The following PRPF8 variants were observed in gnomAD, a reference collection of about 807,000 sequenced individuals.
The protein encoded by PRPF8 is pre-mRNA-processing-splicing factor 8.
PRPF8 carries 64 observed loss-of-function variants against 285.9 expected under a neutral mutation model. The ratio of observed to expected loss-of-function variants is 0.22; its 90% confidence interval spans 0.18 to 0.28. The LOEUF (loss-of-function observed/expected upper bound fraction) is 0.28. Among genes scored for constraint, PRPF8 ranks in the 10% least tolerant of loss-of-function variants. PRPF8 has a pLI of 1.00. For missense variants in PRPF8, 1,426 were observed against 3,026.7 expected (o/e 0.47, Z 12.41); for synonymous variants, 1,325 against 1,118.2 (o/e 1.18, Z -3.69).
At position 1,673,605 on chromosome 17, in the gene PRPF8, G is replaced by A; in HGVS notation, c.3447-38C>T. 6.2e-7 allele frequency: 1 copy of A among 1,613,030 alleles called. No individual in the cohort carries two copies. The highest frequency in any genetic ancestry group is 8.5e-7 in the Non-Finnish European group (1 of 1,179,696). The stretch of plus-strand genomic sequence containing the variant: ...AACACATGGTCACAGCAGTTTCTTG[G>A]AAGGAACTTCCCTTCAAAGGCCAAC... On this transcript the variant is annotated intron_variant, in intron 22 of 42. Coordinates refer to ENST00000304992, the MANE Select transcript of PRPF8 (RefSeq NM_006445.4). The surrounding 1 kb of genome is among the most constrained non-coding windows in gnomAD (Gnocchi z 5.5).
chr17:1,651,769 C>A lies in PRPF8; in HGVS notation c.6389G>T (p.Gly2130Val). ...LRAQIAGYLY[G>V]VSPPDNPQVK... ...CTGGGGGTTATCTGGTGGGCTCACC[C>A]CATATAGGTATCCTGCAATCTGGAG... Residue 2130 changes from glycine (G) to valine (V), a missense_variant, in exon 40 of 43, where the codon GGG (glycine) becomes GTG (valine). Gly to Val is a moderately radical substitution (Grantham distance 109). Around this residue, in one of 34 missense-constraint regions of PRPF8, gnomAD observed 160 missense variants for 373.7 expected, o/e 0.43. Transcript: ENST00000304992. This position sits in a 1 kb window ranked among gnomAD's most constrained non-coding sequence, Gnocchi z 5.1. 6.2e-7 allele frequency: 1 copy of A among 1,614,114 alleles called. No homozygotes were observed. The highest frequency in any genetic ancestry group is 8.5e-7 in the Non-Finnish European group (1 of 1,180,028).
At position 1,679,896 on chromosome 17, in the gene PRPF8, C is replaced by G; in HGVS notation, c.1099-97G>C. The G allele has an allele frequency of 7.0e-7, 1 of 1,421,242 alleles. No individual in the cohort carries two copies. Among genetic ancestry groups the G allele is most frequent in the South Asian group, 1.1e-5 (1 of 87,102 alleles). The allele number at this position is 1,421,242 out of a possible 1,614,324, so 88.0% of individuals were successfully genotyped here. A position where few individuals can be genotyped will look rare whatever the true frequency, so the allele number is the denominator to read the frequency against. On this transcript the variant is annotated intron_variant, in intron 8 of 42. Transcript: ENST00000304992. This position sits in a 1 kb window ranked among gnomAD's most constrained non-coding sequence, Gnocchi z 4.7. Reference sequence around the variant, plus strand: ...CTGGGGCCAAGCACAAAGCCTGTATCTGCTATGGAAACTGGGCTGTCTGAC... The same window carrying G: ...CTGGGGCCAAGCACAAAGCCTGTATGTGCTATGGAAACTGGGCTGTCTGAC...
At chr17:1,654,857 C>T (rs889903099) in intron 37 of PRPF8, 1 of 174,452 alleles carries the variant, frequency 5.7e-6, no homozygotes, top group African/African-American at 2.4e-5. Context: ...GGTTTCAACT[C>T]CTGGCTCATG....
At chr17:1,683,346 A>G (rs1353757350) in intron 3 of PRPF8, 187 bp downstream of exon 3, 4 of 705,326 alleles carry the variant, frequency 5.7e-6, no homozygotes, top group Non-Finnish European at 1.0e-5. Flanking sequence ...CCAGTCCCAG[A>G]TCGGGAAGAG....
chr17:1,680,684 C>G (rs779455559), intron 8 of PRPF8, 42 bp downstream of exon 8: 1 of 1,555,184 alleles, frequency 6.4e-7, no homozygotes, highest in South Asian at 1.1e-5. Context: ...TCACGCATTT[C>G]TCCTAGAAGA....
In PRPF8 at chr17:1,673,915, C is replaced by T; in HGVS notation, c.3300-23G>A. 1 of 1,609,950 alleles carries T rather than the reference C, an allele frequency of 6.2e-7. No homozygotes were observed. Among genetic ancestry groups the T allele is most frequent in the South Asian group, 1.1e-5 (1 of 91,062 alleles). ...AACCTACACCAGACCAGGTACACTG[C>T]TGAGGCCCCAGTACACTGAGATTTG... is the stretch of plus-strand genomic sequence containing the variant. On this transcript the variant is annotated intron_variant, in intron 21 of 42. Transcript: ENST00000304992. The surrounding 1 kb of genome is among the most constrained non-coding windows in gnomAD (Gnocchi z 5.5).
chr17:1,656,507 A>C lies in PRPF8; in HGVS notation c.5678T>G (p.Phe1893Cys). Residue 1893 changes from phenylalanine (F) to cysteine (C), a missense_variant, in exon 36 of 43, where the codon TTC becomes TGC. Phe to Cys is a radical substitution (Grantham distance 205). Transcript: ENST00000304992. ...TTTTTCCACCTTGAGACACGCCTGG[A>C]AAGGGAGTTGGAGCTCCGATCCTTT... is the stretch of plus-strand genomic sequence containing the variant. ...VIKGSELQLP[F>C]QACLKVEKFG... The C allele has an allele frequency of 6.2e-7, 1 of 1,614,192 alleles. No individual in the cohort carries two copies. Among genetic ancestry groups the C allele is most frequent in the African/African-American group, 1.3e-5 (1 of 75,056 alleles).
chr17:1,656,960 T>G (rs367545180), intron 34 of PRPF8, among the ~76,000 whole-genome samples, 199 bp from the exon 35 acceptor site: 17 of 152,144 alleles, frequency 1.1e-4, no homozygotes, highest in African/African-American at 3.4e-4. Context: ...AACAAGACAA[T>G]ACCACAAGCT....
At chr17:1,670,945 AAAG>A (rs10641240) in intron 24 of PRPF8, among the ~76,000 whole-genome samples, 1 of 151,078 alleles carries the variant, frequency 6.6e-6, no homozygotes, top group Non-Finnish European at 1.5e-5. Flanking sequence ...CAAAAAAAAA[AAAG>A]AAGAAAAACA....
At chr17:1,667,230 T>C (rs759329734) in intron 24 of PRPF8, among the ~76,000 whole-genome samples, 7 of 151,856 alleles carry the variant, frequency 4.6e-5, no homozygotes, top group Non-Finnish European at 8.8e-5. Flanking sequence ...TAAAGGCAAG[T>C]GGATGATTCC....
chr17:1,670,426 C>G (rs544424703), intron 24 of PRPF8, among the ~76,000 whole-genome samples: 22 of 152,196 alleles, frequency 1.4e-4, no homozygotes, highest in Non-Finnish European at 7.3e-5. Flanking sequence ...TATCTGCTAA[C>G]TTCTTATCAA....
At chr17:1,663,252 C>A (rs1178440534) in intron 24 of PRPF8, among the ~76,000 whole-genome samples, 1 of 151,228 alleles carries the variant, frequency 6.6e-6, no homozygotes, top group African/African-American at 2.4e-5. Flanking sequence ...AGTCACAAAA[C>A]AACTAAATTC....
At chr17:1,654,799 A>AT (rs75058213) in intron 37 of PRPF8, 5,137 of 152,098 alleles carry the variant, frequency 0.034, 114 homozygotes, top group Non-Finnish European at 0.045. Context: ...CCTGTTTTAA[A>AT]TTTTTTTTTT....
intron 24 of PRPF8, among the ~76,000 whole-genome samples, chr17:1,667,975 G>C (rs531012694): frequency 6.6e-5 from 10 of 152,322 alleles, no homozygotes; most frequent in Admixed American, 5.9e-4. Flanking sequence ...ACCATGCCCA[G>C]CTTTATCATG....
Position 1,675,844 on chromosome 17 carries a change from C to A in PRPF8, c.2680-32G>T, listed in dbSNP as rs1912577969. ...GACAAGGAGGCTGGTTCACACCAAT[C>A]CACCAACTGCTACCTTTGGTAGAAC... is the stretch of plus-strand genomic sequence containing the variant. On this transcript the variant is annotated intron_variant, in intron 18 of 42. Coordinates refer to ENST00000304992, the MANE Select transcript of PRPF8 (RefSeq NM_006445.4). The surrounding 1 kb of genome is among the most constrained non-coding windows in gnomAD (Gnocchi z 6.0). 1.2e-6 allele frequency: 2 copies of A among 1,613,960 alleles called. No individual in the cohort carries two copies. The highest frequency in any genetic ancestry group is 2.7e-5 in the African/African-American group (2 of 74,902).
Position 1,658,485 on chromosome 17 carries a change from T to C in PRPF8, c.5376+41A>G, listed in dbSNP as rs1911511186. 5.6e-6 allele frequency: 9 copies of C among 1,612,876 alleles called. No homozygotes were observed. The highest frequency in any genetic ancestry group is 1.3e-5 in the African/African-American group (1 of 74,890). ...TTAGCCCATTACTCTCCCACAGCCATGTACAGAGTCCCGCACCTATACACT... is the reference window on the plus strand; with the variant it reads ...TTAGCCCATTACTCTCCCACAGCCACGTACAGAGTCCCGCACCTATACACT... On this transcript the variant is annotated intron_variant, in intron 33 of 42. Transcript: ENST00000304992. This position sits in a 1 kb window ranked among gnomAD's most constrained non-coding sequence, Gnocchi z 4.1.
intron 6 of PRPF8, 46 bp downstream of exon 6, chr17:1,681,432 T>C (rs1567692202): frequency 6.6e-7 from 1 of 1,519,952 alleles, no homozygotes; most frequent in Non-Finnish European, 9.1e-7. Context: ...AAGATTACGT[T>C]TCATTCAACT....
intron 14 of PRPF8, 157 bp downstream of exon 14, chr17:1,677,408 C>T: frequency 8.3e-7 from 1 of 1,199,180 alleles, no homozygotes; most frequent in Non-Finnish European, 1.2e-6. Flanking sequence ...GAAGGAAGCC[C>T]AAGAAATAGA....
Position 1,675,611 on chromosome 17 carries a change from A to G in PRPF8, c.2872+9T>C. 6.2e-7 allele frequency: 1 copy of G among 1,614,080 alleles called. No individual in the cohort carries two copies. The highest frequency in any genetic ancestry group is 8.5e-7 in the Non-Finnish European group (1 of 1,179,998). ...CGTTCCTCACAGGGCGATCTCATGA[A>G]AGTTCTACCTTGACACCACTTGTAA... is the stretch of plus-strand genomic sequence containing the variant. On this transcript the variant is annotated intron_variant, in intron 19 of 42. Coordinates refer to ENST00000304992, the MANE Select transcript of PRPF8 (RefSeq NM_006445.4). This position sits in a 1 kb window ranked among gnomAD's most constrained non-coding sequence, Gnocchi z 6.0.
Sources: gnomAD v4.1 joint callset for allele counts (sites outside exome capture counted in the v4.1 genomes callset) on GRCh38, gnomAD v4.1.1 for gene constraint, gnomAD v4.1.1 regional missense constraint, Gnocchi (gnomAD v3.1) non-coding constraint, MANE v1.5 for transcripts, NCBI Gene and HGNC (gene_info 2026-07-23, HGNC 2026-07-21) for gene names.